Variants in NOL4 observed in about 807,000 individuals in gnomAD.
NOL4 encodes nucleolar protein 4, also known as cancer/testis antigen 125.
In NOL4, 17 loss-of-function variants were observed where a neutral mutation model predicts 75.9. That is an observed-to-expected ratio of 0.22 (90% CI 0.15 to 0.34). The LOEUF (loss-of-function observed/expected upper bound fraction) is 0.34, where lower values mean the gene tolerates loss of function less well. Ranked by LOEUF, NOL4 falls within the 10% of genes least tolerant of loss-of-function variation. The probability of loss-of-function intolerance (pLI) is 1.00; values close to 1 mark genes in which losing one functional copy is unlikely to be tolerated. For synonymous variants in NOL4, 292 were observed against 289.9 expected, an observed-to-expected ratio of 1.01 and a Z score of -0.07; for missense variants, 614 against 793.5, an observed-to-expected ratio of 0.77 and a Z score of 2.72.
At chr18:34,150,513 A>G (rs12959244) in intron 1 of NOL4, among the ~76,000 whole-genome samples, 76,163 of 151,484 alleles carry the variant, frequency 0.5, 19,228 homozygotes, top group Admixed American at 0.57. Flanking sequence ...CAAACATTGC[A>G]GAACAGCTGG....
At chr18:34,199,442 T>TC (rs2035578333) in intron 1 of NOL4, among the ~76,000 whole-genome samples, 1 of 151,794 alleles carries the variant, frequency 6.6e-6, no homozygotes, top group East Asian at 1.9e-4. Flanking sequence ...GGTTTATCTG[T>TC]CCCCCCACAC....
At chr18:33,904,917 T>C (rs577847800) in intron 9 of NOL4, among the ~76,000 whole-genome samples, 83 of 152,244 alleles carry the variant, frequency 5.5e-4, no homozygotes, top group African/African-American at 1.9e-3. Context: ...AACCTTTGAA[T>C]TGTCAGCTTG....
chr18:33,885,419 C>T (rs2064578843), intron 9 of NOL4, among the ~76,000 whole-genome samples: 1 of 152,070 alleles, frequency 6.6e-6, no homozygotes, highest in African/African-American at 2.4e-5. Context: ...CTGCAAACTA[C>T]CCATCTGACC....
intron 9 of NOL4, among the ~76,000 whole-genome samples, chr18:33,885,653 C>T (rs2064593711): frequency 6.6e-6 from 1 of 151,980 alleles, no homozygotes; most frequent in Non-Finnish European, 1.5e-5. Flanking sequence ...TGACTTATAT[C>T]AAAAAGACAG....
At chr18:33,886,596 A>G (rs954025786) in intron 9 of NOL4, among the ~76,000 whole-genome samples, 5 of 150,536 alleles carry the variant, frequency 3.3e-5, no homozygotes, top group African/African-American at 1.2e-4. Flanking sequence ...CAGGGTGACT[A>G]TAGTCAATAA....
chr18:34,052,069 A>C (rs2144987398), intron 5 of NOL4, among the ~76,000 whole-genome samples: 1 of 152,138 alleles, frequency 6.6e-6, no homozygotes, highest in South Asian at 2.1e-4. Context: ...ATATGTAAAA[A>C]GGTTCTTATC....
At position 33,993,127 on chromosome 18, in the gene NOL4, A is replaced by T. The variant is rs185523814; in HGVS notation, c.1056+26191T>A. Reference sequence around the variant, plus strand: ...TTCCTGGGGACAGAACAAATCTCAAACACTGACATTGGTAACCATTCCTTC... The same window carrying T: ...TTCCTGGGGACAGAACAAATCTCAATCACTGACATTGGTAACCATTCCTTC... On this transcript the variant is annotated intron_variant, in intron 6 of 10. Transcript: ENST00000261592. Among the ~76,000 whole-genome samples the T allele has an allele frequency of 1.8e-3, 273 of 152,086 alleles. 3 individuals carry two copies. Among genetic ancestry groups the T allele is most frequent in the Non-Finnish European group, 1.0e-4 (7 of 67,948 alleles).
At chr18:34,044,935 A>G (rs1166291404) in intron 5 of NOL4, among the ~76,000 whole-genome samples, 1 of 152,168 alleles carries the variant, frequency 6.6e-6, no homozygotes, top group Non-Finnish European at 1.5e-5. Context: ...ACTGCCCACT[A>G]CAAAATAATA....
chr18:34,174,519 A>C (rs1053912615), intron 1 of NOL4, among the ~76,000 whole-genome samples: 2 of 151,926 alleles, frequency 1.3e-5, no homozygotes, highest in Non-Finnish European at 2.9e-5. Flanking sequence ...ATAATGGTCC[A>C]CATTTTTTTT....
chr18:34,182,371 A>T (rs1186330326), intron 1 of NOL4, among the ~76,000 whole-genome samples: 1 of 151,652 alleles, frequency 6.6e-6, no homozygotes, highest in African/African-American at 2.4e-5. Context: ...TAAGATAGAA[A>T]GTTGAATAGT....
intron 10 of NOL4, among the ~76,000 whole-genome samples, chr18:33,857,674 C>T (rs2062899443): frequency 6.6e-6 from 1 of 151,972 alleles, no homozygotes; most frequent in Non-Finnish European, 1.5e-5. Context: ...AGATTCTATT[C>T]TGACAAAATT....
chr18:33,908,122 G>A (rs749276545), intron 9 of NOL4, among the ~76,000 whole-genome samples: 1 of 152,090 alleles, frequency 6.6e-6, no homozygotes, highest in Non-Finnish European at 1.5e-5. Context: ...TACTTCAAAA[G>A]TGCCCTCTCA....
chr18:33,896,323 C>T (rs1462346005), intron 9 of NOL4, among the ~76,000 whole-genome samples: 2 of 151,812 alleles, frequency 1.3e-5, no homozygotes, highest in African/African-American at 2.4e-5. Context: ...CATATGAAAC[C>T]AAGGCAGTCC....
At chr18:34,087,984 TC>T (rs1338569438) in intron 5 of NOL4, among the ~76,000 whole-genome samples, 2 of 151,938 alleles carry the variant, frequency 1.3e-5, no homozygotes, top group Non-Finnish European at 2.9e-5. Context: ...TTCCTTTTAT[TC>T]CTATTATCTT....
chr18:34,115,786 A>C (rs2079826483), intron 2 of NOL4, among the ~76,000 whole-genome samples: 1 of 152,112 alleles, frequency 6.6e-6, no homozygotes, highest in African/African-American at 2.4e-5. Context: ...TTTCTGCTCT[A>C]ATCTCACCCT....
At chr18:34,099,705 C>A (rs564599448) in intron 4 of NOL4, among the ~76,000 whole-genome samples, 2 of 152,164 alleles carry the variant, frequency 1.3e-5, no homozygotes, top group Admixed American at 6.5e-5. Flanking sequence ...TTGCATTGAC[C>A]TCCCCTGCTC....
At chr18:34,151,471 T>C (rs939890230) in intron 1 of NOL4, among the ~76,000 whole-genome samples, 4 of 151,858 alleles carry the variant, frequency 2.6e-5, no homozygotes. Context: ...AAATACTATA[T>C]GGTTCCAAAT....
At chr18:34,095,157 T>A (rs934706834) in intron 4 of NOL4, among the ~76,000 whole-genome samples, 5 of 152,092 alleles carry the variant, frequency 3.3e-5, no homozygotes, top group African/African-American at 4.8e-5. Flanking sequence ...TGCCACTGTG[T>A]CAGATCCATG....
At chr18:34,142,771 GTA>G (rs1329808162) in intron 1 of NOL4, among the ~76,000 whole-genome samples, 1 of 152,088 alleles carries the variant, frequency 6.6e-6, no homozygotes, top group East Asian at 1.9e-4. Context: ...CATGGCACAT[GTA>G]TACATATGTA....
Sources: gnomAD v4.1 joint callset for allele counts (sites outside exome capture counted in the v4.1 genomes callset) on GRCh38, gnomAD v4.1.1 for gene constraint, MANE v1.5 for transcripts, NCBI Gene and HGNC (gene_info 2026-07-23, HGNC 2026-07-21) for gene names.